The following MAST2 variants were observed in gnomAD, a reference collection of about 807,000 sequenced individuals.
MAST2 encodes microtubule associated serine/threonine kinase 2, also known as microtubule-associated serine/threonine-protein kinase 2.
A neutral mutation model predicts 147.4 loss-of-function variants in MAST2; 70 were observed. The ratio of observed to expected loss-of-function variants is 0.47; its 90% confidence interval spans 0.39 to 0.58. The LOEUF is 0.58. Among genes scored for constraint, MAST2 ranks in the 20% least tolerant of loss-of-function variants. The probability of loss-of-function intolerance (pLI) is 0.00; values close to 1 mark genes in which losing one functional copy is unlikely to be tolerated. For missense variants in MAST2, 2,080 were observed against 2,302.3 expected (o/e 0.90, Z 1.98); for synonymous variants, 869 against 896.8 (o/e 0.97, Z 0.55).
At chr1:45,819,972 C>A (rs1644570845) in intron 1 of MAST2, among the ~76,000 whole-genome samples, 1 of 152,152 alleles carries the variant, frequency 6.6e-6, no homozygotes, top group South Asian at 2.1e-4. Flanking sequence ...ACCAAAACAA[C>A]ATGGTACTGA....
At chr1:45,924,721 G>A (rs1056592497) in intron 4 of MAST2, among the ~76,000 whole-genome samples, 5 of 152,138 alleles carry the variant, frequency 3.3e-5, no homozygotes, top group Non-Finnish European at 5.9e-5. Context: ...AACTCAGAAC[G>A]TCACTGTATT....
Position 45,977,565 on chromosome 1 carries a change from C to T in MAST2, c.592+18088C>T, listed in dbSNP as rs374517311. ...CTGTAATCCCAGCACTTTGGGAGGCCGAGGCGGGCGGATCACAAGGTCAAG... is the reference window on the plus strand; with the variant it reads ...CTGTAATCCCAGCACTTTGGGAGGCTGAGGCGGGCGGATCACAAGGTCAAG... On this transcript the variant is annotated intron_variant, in intron 5 of 28. Transcript: ENST00000361297. 3.4e-4 allele frequency among the ~76,000 whole-genome samples: 51 copies of T among 151,702 alleles called. No homozygotes were observed. The East Asian group carries it at 8.0e-3, about 24-fold the overall frequency.
intron 5 of MAST2, among the ~76,000 whole-genome samples, chr1:45,967,401 A>G (rs1359387781): frequency 6.6e-6 from 1 of 152,140 alleles, no homozygotes; most frequent in Non-Finnish European, 1.5e-5. Context: ...CCCGAAATTT[A>G]ACTACTAATA....
At chr1:45,933,732 C>T (rs1655740524) in intron 4 of MAST2, among the ~76,000 whole-genome samples, 2 of 151,698 alleles carry the variant, frequency 1.3e-5, no homozygotes, top group Non-Finnish European at 2.9e-5. Context: ...CTAGCCTGGG[C>T]AACAAGAGCA....
At chr1:45,948,364 C>T (rs1410059677) in intron 4 of MAST2, among the ~76,000 whole-genome samples, 1 of 152,096 alleles carries the variant, frequency 6.6e-6, no homozygotes, top group Non-Finnish European at 1.5e-5. Flanking sequence ...CTATTTCTAT[C>T]AAACTACCAA....
chr1:45,842,477 TC>T (rs1645308541), intron 3 of MAST2, among the ~76,000 whole-genome samples: 1 of 152,180 alleles, frequency 6.6e-6, no homozygotes, highest in Non-Finnish European at 1.5e-5. Context: ...TTCTCCCCAC[TC>T]CCCTTCCATG....
chr1:46,032,189 T>G lies in MAST2; in HGVS notation c.3199T>G (p.Cys1067Gly). ...SLLIPSEHHT[C>G]SPLASPMSPH... ...TTCTCCTTCTCCAGAACACCACACCTGCTCCCCGTTGGCCAGCCCCATGTC... is the reference window on the plus strand; with the variant it reads ...TTCTCCTTCTCCAGAACACCACACCGGCTCCCCGTTGGCCAGCCCCATGTC... The change falls in exon 25 of 29, where the codon TGC becomes GGC. Residue 1067 changes from cysteine to glycine, a missense_variant. Transcript: ENST00000361297. 1 of 1,614,098 alleles carries G rather than the reference T, an allele frequency of 6.2e-7. No homozygotes were observed. The highest frequency in any genetic ancestry group is 1.1e-5 in the South Asian group (1 of 91,078).
intron 4 of MAST2, chr1:45,913,942 AAC>A (rs1652071496): frequency 9.3e-7 from 1 of 1,078,986 alleles, no homozygotes; most frequent in Non-Finnish European, 1.2e-6. Flanking sequence ...AATGCCAACT[AAC>A]ACAGCTTCGT....
chr1:45,937,150 G>A (rs753181417), intron 4 of MAST2, among the ~76,000 whole-genome samples: 2 of 150,252 alleles, frequency 1.3e-5, no homozygotes, highest in Non-Finnish European at 3.0e-5. Flanking sequence ...TGCCCAGGGT[G>A]ATCCTAAACC....
intron 19 of MAST2, 28 bp from the exon 20 acceptor site, chr1:46,029,803 C>T (rs1448450873): frequency 1.2e-6 from 2 of 1,612,744 alleles, no homozygotes; most frequent in Non-Finnish European, 1.7e-6. Flanking sequence ...TCATCCTACC[C>T]CCTTGCCCAT....
intron 4 of MAST2, among the ~76,000 whole-genome samples, chr1:45,947,320 A>C (rs12092168): frequency 3.8e-4 from 31 of 81,558 alleles, no homozygotes; most frequent in South Asian, 2.5e-3. Flanking sequence ...AAAAAAAAAA[A>C]AAAAAAAAAA....
At chr1:45,913,056 G>C (rs1651920220) in intron 4 of MAST2, among the ~76,000 whole-genome samples, 1 of 152,104 alleles carries the variant, frequency 6.6e-6, no homozygotes, top group Non-Finnish European at 1.5e-5. Context: ...GCTAGTTTCT[G>C]GGCTTATTTT....
rs376486053 is a variant in MAST2, at chr1:46,035,600, C to T, written c.4931C>T (p.Ser1644Phe). 3.2e-5 allele frequency: 51 copies of T among 1,613,716 alleles called. No homozygotes were observed. Among genetic ancestry groups the T allele is most frequent in the Non-Finnish European group, 4.1e-5 (48 of 1,180,032 alleles). Reference protein sequence around the residue: ...TSGLTPTSSCSPPSSTSGKLS... With the variant: ...TSGLTPTSSCFPPSSTSGKLS... Reference sequence around the variant, plus strand: ...GGACTCACCCCCACCAGCAGTTGCTCTCCTCCCAGCTCCACCTCTGGGAAG... The same window carrying T: ...GGACTCACCCCCACCAGCAGTTGCTTTCCTCCCAGCTCCACCTCTGGGAAG... The change falls in exon 29 of 29, where the codon TCT becomes TTT. Residue 1644 changes from serine (S) to phenylalanine (F), a missense_variant. Physicochemically the swap from Ser to Phe is radical, Grantham distance 155 (BLOSUM62 -2). Transcript: ENST00000361297. The surrounding 1 kb of genome is among the most constrained non-coding windows in gnomAD (Gnocchi z 5.5).
At chr1:45,834,747 C>T (rs1278201018) in intron 3 of MAST2, among the ~76,000 whole-genome samples, 1 of 152,144 alleles carries the variant, frequency 6.6e-6, no homozygotes, top group African/African-American at 2.4e-5. Context: ...AGCCTATGTT[C>T]TTCTCATCTG....
chr1:45,952,035 C>T (rs1336761336), intron 4 of MAST2, among the ~76,000 whole-genome samples: 1 of 152,132 alleles, frequency 6.6e-6, no homozygotes, highest in Non-Finnish European at 1.5e-5. Context: ...CTTAAAGAAC[C>T]CTCAAGAATT....
intron 2 of MAST2, among the ~76,000 whole-genome samples, chr1:45,827,357 AT>A (rs1644825055): frequency 6.6e-6 from 1 of 151,886 alleles, no homozygotes; most frequent in Admixed American, 6.6e-5. Context: ...CGTTTTATTT[AT>A]TTTCCTCAAG....
At chr1:46,021,248 T>C in intron 11 of MAST2, among the ~76,000 whole-genome samples, 1 of 152,198 alleles carries the variant, frequency 6.6e-6, no homozygotes, top group East Asian at 1.9e-4. Flanking sequence ...TATGCTGTGA[T>C]AGAGCAGAGA....
chr1:46,029,555 A>C lies in MAST2; in HGVS notation c.2308A>C (p.Arg770=), dbSNP rs763173445. Reference sequence around the variant, plus strand: ...ACTGCTCCACCAGAACCCTCTGGAGAGACTTGGCACAGGTAGGGCAGGCCC... The same window carrying C: ...ACTGCTCCACCAGAACCCTCTGGAGCGACTTGGCACAGGTAGGGCAGGCCC... ...SKLLHQNPLE[R]LGTGSAYEVK... Residue 770 remains arginine, a synonymous_variant, in exon 19 of 29, where the codon AGA becomes CGA. Transcript: ENST00000361297. The C allele has an allele frequency of 6.2e-7, 1 of 1,613,634 alleles. No individual in the cohort carries two copies. Among genetic ancestry groups the C allele is most frequent in the Non-Finnish European group, 8.5e-7 (1 of 1,179,796 alleles).
At chr1:45,979,973 C>T (rs953967986) in intron 5 of MAST2, among the ~76,000 whole-genome samples, 3 of 152,162 alleles carry the variant, frequency 2.0e-5, no homozygotes, top group Non-Finnish European at 2.9e-5. Context: ...AGCTAAACAG[C>T]GGGTTACTCA....
Sources: allele counts gnomAD v4.1 joint callset (sites outside exome capture counted in the v4.1 genomes callset), GRCh38; gene constraint gnomAD v4.1.1; non-coding constraint Gnocchi (gnomAD v3.1); transcripts MANE v1.5; gene names NCBI Gene and HGNC (gene_info 2026-07-23, HGNC 2026-07-21).